CTPS1: variants seen among roughly 807,000 people sequenced by gnomAD.
CTPS1 encodes CTP synthase 1.
A neutral mutation model predicts 80.5 loss-of-function variants in CTPS1; 25 were observed. That is an observed-to-expected ratio of 0.31 (90% CI 0.23 to 0.43). The LOEUF is 0.43. Among genes scored for constraint, CTPS1 ranks in the 20% least tolerant of loss-of-function variants. CTPS1 has a pLI of 1.00. For missense variants in CTPS1, 442 were observed against 725.7 expected, an observed-to-expected ratio of 0.61 and a Z score of 4.49; for synonymous variants, 267 against 252.5, an observed-to-expected ratio of 1.06 and a Z score of -0.54.
intron 18 of CTPS1, among the ~76,000 whole-genome samples, chr1:41,010,906 CTG>C (rs923915630): frequency 6.6e-6 from 1 of 152,174 alleles, no homozygotes; most frequent in African/African-American, 2.4e-5. Flanking sequence ...ACTGTGTGGA[CTG>C]TGTTGGCAGA....
intron 16 of CTPS1, 25 bp downstream of exon 16, chr1:41,008,915 A>G: frequency 6.4e-7 from 1 of 1,573,284 alleles, no homozygotes; most frequent in Non-Finnish European, 8.7e-7. Flanking sequence ...AGTTTTATTT[A>G]ATGGAAAACT....
Position 40,995,918 on chromosome 1 carries a change from T to G in CTPS1, c.722T>G (p.Val241Gly). ...SMFCHVEPEQ[V>G]ICVHDVSSIY... ...AATAACTTGCTTTTTTCTAAACAGG[T>G]GATCTGTGTCCACGATGTCTCATCC... is the stretch of plus-strand genomic sequence containing the variant. The change falls in exon 8 of 19, where the codon GTG (valine) becomes GGG (glycine). Residue 241 changes from valine to glycine, a missense_variant and splice_region_variant. Val to Gly is a moderately radical substitution (Grantham distance 109). Around this residue, in one of 4 missense-constraint regions of CTPS1, gnomAD observed 321 missense variants for 467.2 expected, o/e 0.69. Coordinates refer to ENST00000650070, the MANE Select transcript of CTPS1 (RefSeq NM_001905.4). 6.2e-7 allele frequency: 1 copy of G among 1,613,258 alleles called. No individual in the cohort carries two copies. Among genetic ancestry groups the G allele is most frequent in the Non-Finnish European group, 8.5e-7 (1 of 1,179,356 alleles).
chr1:40,999,670 A>G (rs748159130), intron 9 of CTPS1, among the ~76,000 whole-genome samples: 12 of 152,226 alleles, frequency 7.9e-5, no homozygotes, highest in Non-Finnish European at 1.5e-4. Context: ...GTGTGATCCA[A>G]TAAGTCCATT....
intron 16 of CTPS1, 93 bp downstream of exon 16, chr1:41,008,983 C>T (rs1643101922): frequency 2.0e-6 from 2 of 1,023,000 alleles, no homozygotes; most frequent in Admixed American, 1.8e-5. Context: ...TTGCTCCTGA[C>T]CTAACAGAAT....
intron 5 of CTPS1, among the ~76,000 whole-genome samples, chr1:40,989,919 A>G (rs940029978): frequency 6.6e-6 from 1 of 152,184 alleles, no homozygotes. Context: ...AGACCAAGAG[A>G]TAGAAAATAG....
At chr1:40,981,058 T>C (rs762354006) in intron 1 of CTPS1, 1 of 152,304 alleles carries the variant, frequency 6.6e-6, no homozygotes, top group Non-Finnish European at 1.5e-5. Flanking sequence ...TGAAAGCGTC[T>C]GCTCTCATCG....
chr1:41,010,445 C>T (rs4363414), intron 18 of CTPS1, among the ~76,000 whole-genome samples, 191 bp downstream of exon 18: 91 of 152,306 alleles, frequency 6.0e-4, no homozygotes, highest in Admixed American at 2.0e-3. Context: ...AAATGGGCAG[C>T]CCTTCCTCCA....
Position 41,002,105 on chromosome 1 carries a change from C to G in CTPS1, c.1095-55C>G. 3.3e-6 allele frequency: 5 copies of G among 1,520,308 alleles called. No individual in the cohort carries two copies. The Middle Eastern group carries it at 5.1e-4, about 155-fold the overall frequency. 94.2% of individuals were successfully genotyped at this position (1,520,308 alleles called of 1,614,324 possible). A position where few individuals can be genotyped will look rare whatever the true frequency, so the allele number is the denominator to read the frequency against. ...GTAATGGCCCGTTAGGCGATTATTGCAAGTTGGACTGGTAGAAAAGGGGAA... is the reference window on the plus strand; with the variant it reads ...GTAATGGCCCGTTAGGCGATTATTGGAAGTTGGACTGGTAGAAAAGGGGAA... On this transcript the variant is annotated intron_variant, in intron 10 of 18. Transcript: ENST00000650070.
At position 41,005,987 on chromosome 1, in the gene CTPS1, G is replaced by A. The variant is rs1643023490; in HGVS notation, c.1253-64G>A. The A allele has an allele frequency of 7.7e-6, 10 of 1,305,728 alleles. 1 individual carries two copies. Among genetic ancestry groups the A allele is most frequent in the South Asian group, 3.6e-5 (3 of 84,204 alleles). The allele number at this position is 1,305,728 out of a possible 1,614,324, so 80.9% of individuals were successfully genotyped here. On this transcript the variant is annotated intron_variant, in intron 12 of 18. Transcript: ENST00000650070. ...GGAGGGAAGTTGTGTTTAGAGCTTA[G>A]CAATGAAACTATTAATCACTTTCGT...
chr1:41,007,545 A>G lies in CTPS1; in HGVS notation c.1393A>G (p.Arg465Gly). The change falls in exon 14 of 19, where the codon AGG (arginine) becomes GGG (glycine). Residue 465 changes from arginine (R) to glycine (G), a missense_variant and splice_region_variant. Transcript: ENST00000650070. This position sits in a 1 kb window ranked among gnomAD's most constrained non-coding sequence, Gnocchi z 4.4. ...GTTCCAGACCAAGAACTCAGTCATG[A>G]GTAAGAGCTGCCTCACGCTGGCCCA... ...TLFQTKNSVM[R>G]KLYGDADYLE... The G allele has an allele frequency of 6.2e-7, 1 of 1,613,714 alleles. No homozygotes were observed. The highest frequency in any genetic ancestry group is 8.5e-7 in the Non-Finnish European group (1 of 1,179,814).
chr1:40,995,343 C>T (rs553668738), intron 7 of CTPS1, among the ~76,000 whole-genome samples: 15 of 151,848 alleles, frequency 9.9e-5, no homozygotes, highest in Non-Finnish European at 1.8e-4. Context: ...CTCAGCCTCC[C>T]GAGTAGCTGG....
intron 12 of CTPS1, among the ~76,000 whole-genome samples, chr1:41,005,251 C>T (rs999126536): frequency 6.6e-6 from 1 of 151,996 alleles, no homozygotes; most frequent in Non-Finnish European, 1.5e-5. Flanking sequence ...TCGAGACCAG[C>T]CTGACCAACA....
intron 3 of CTPS1, among the ~76,000 whole-genome samples, chr1:40,986,175 G>A (rs943823070): frequency 2.6e-5 from 4 of 152,262 alleles, no homozygotes; most frequent in African/African-American, 7.2e-5. Context: ...GTCAGAAGCT[G>A]TGAAGAAACC....
At chr1:40,980,576 T>G (rs1226188711) in intron 1 of CTPS1, 1 of 152,266 alleles carries the variant, frequency 6.6e-6, no homozygotes, top group Non-Finnish European at 1.5e-5. Flanking sequence ...GAACCCGCGT[T>G]GCAGGCAGCT....
At chr1:40,991,119 T>C in intron 5 of CTPS1, 46 bp from the exon 6 acceptor site, 1 of 1,398,740 alleles carries the variant, frequency 7.1e-7, no homozygotes, top group Non-Finnish European at 9.9e-7. Context: ...GAAAATTCCT[T>C]ATCAGAGGGA....
rs1375314204 is a variant in CTPS1 at position 40,987,616 on chromosome 1, TA to T, written c.438+146del. The T allele has an allele frequency of 1.3e-5, 6 of 460,118 alleles. No individual in the cohort carries two copies. The East Asian group carries it at 2.1e-4, about 16-fold the overall frequency. The allele number at this position is 460,118 out of a possible 1,614,324, so 28.5% of individuals were successfully genotyped here. A position where few individuals can be genotyped will look rare whatever the true frequency, so the allele number is the denominator to read the frequency against. The stretch of plus-strand genomic sequence containing the variant: ...GCAATGTGGCAGGTAAGGGCACAGT[TA>T]ACAGTCATGTGGAATGGCCACGCAA... On this transcript the variant is annotated intron_variant, in intron 4 of 18. Transcript: ENST00000650070.
rs769761270 is a variant in CTPS1, at chr1:41,007,472, C to T, written c.1320C>T (p.Asn440=). 1 of 1,614,108 alleles carries T rather than the reference C, an allele frequency of 6.2e-7. No individual in the cohort carries two copies. Among genetic ancestry groups the T allele is most frequent in the South Asian group, 1.1e-5 (1 of 91,072 alleles). Residue 440 remains asparagine (N), a synonymous_variant, in exon 14 of 19, where the codon AAC becomes AAT. Coordinates refer to ENST00000650070, the MANE Select transcript of CTPS1 (RefSeq NM_001905.4). The surrounding 1 kb of genome is among the most constrained non-coding windows in gnomAD (Gnocchi z 4.4). ...HPVVVDMPEH[N]PGQMGGTMRL... ...AGGTCGTAGACATGCCAGAACACAA[C>T]CCAGGGCAGATGGGCGGAACCATGA... is the stretch of plus-strand genomic sequence containing the variant.
At chr1:41,006,493 C>G (rs1471228647) in intron 13 of CTPS1, among the ~76,000 whole-genome samples, 1 of 152,144 alleles carries the variant, frequency 6.6e-6, no homozygotes, top group East Asian at 1.9e-4. Context: ...TCATGGGATC[C>G]CCAGCCATAG....
chr1:40,999,050 A>C (rs975254714), intron 9 of CTPS1, among the ~76,000 whole-genome samples: 7 of 152,190 alleles, frequency 4.6e-5, no homozygotes, highest in African/African-American at 1.7e-4. Flanking sequence ...TCCGCCTTTA[A>C]GGAATATTGA....
Sources: gnomAD v4.1 joint callset for allele counts (sites outside exome capture counted in the v4.1 genomes callset) on GRCh38, gnomAD v4.1.1 for gene constraint, gnomAD v4.1.1 regional missense constraint, Gnocchi (gnomAD v3.1) non-coding constraint, MANE v1.5 for transcripts, NCBI Gene and HGNC (gene_info 2026-07-23, HGNC 2026-07-21) for gene names.